The following KLF17 variants were observed in gnomAD, a reference collection of about 807,000 sequenced individuals.
The protein encoded by KLF17 is Krueppel-like factor 17.
Under a neutral mutation model 34.2 loss-of-function variants are expected in KLF17, and 31 were observed. The observed-to-expected ratio is 0.91, with a 90% CI of 0.68 to 1.22. The LOEUF (loss-of-function observed/expected upper bound fraction) is 1.22, where lower values mean the gene tolerates loss of function less well. Ranked by LOEUF, KLF17 falls within the 50% of genes most tolerant of loss-of-function variation. The pLI, the probability that KLF17 is intolerant of heterozygous loss-of-function variation, is 0.00. For synonymous variants in KLF17, 179 were observed against 186.7 expected, an observed-to-expected ratio of 0.96 and a Z score of 0.34; for missense variants, 478 against 505.2, an observed-to-expected ratio of 0.95 and a Z score of 0.52.
At chr1:44,099,946 A>G in the KLF17 span, among the ~76,000 whole-genome samples, 35,852 of 123,118 alleles carry the variant, frequency 0.29, 7,939 homozygotes, top group Admixed American at 0.4. Flanking sequence ...GAGGGAGACA[A>G]AGAGACTGGG....
Position 44,129,511 on chromosome 1 carries a change from G to A in KLF17, c.240G>A (p.Gln80=), listed in dbSNP as rs6656945. The A allele has an allele frequency of 2.6e-5, 42 of 1,612,844 alleles. No individual in the cohort carries two copies. The highest frequency in any genetic ancestry group is 3.6e-5 in the Non-Finnish European group (42 of 1,179,404). Residue 80 remains glutamine (Q), a synonymous_variant, in exon 2 of 4, where the codon CAG becomes CAA. Transcript: ENST00000372299. ...SPLVSVEAPG[Q]NVNEGGPQFS... is the part of the protein sequence containing the mutation. ...TGGTGTCTGTTGAGGCGCCGGGGCA[G>A]AATGTGAATGAAGGGGGGCCACAGT...
intron 1 of KLF17, among the ~76,000 whole-genome samples, chr1:44,127,642 C>CTTTTCTTTTCT (rs749639168): frequency 1.6e-4 from 8 of 48,522 alleles, no homozygotes; most frequent in East Asian, 1.3e-3. Context: ...TTCTTTCCTT[C>CTTTTCTTTTCT]TTTCTTTCTT....
chr1:44,081,139 T>C, the KLF17 span, among the ~76,000 whole-genome samples: 1 of 150,522 alleles, frequency 6.6e-6, no homozygotes, highest in Admixed American at 6.7e-5. Flanking sequence ...ATTTAGTTAA[T>C]CTGTTGTGCC....
At chr1:44,078,659 A>G in the KLF17 span, among the ~76,000 whole-genome samples, 1 of 151,990 alleles carries the variant, frequency 6.6e-6, no homozygotes, top group East Asian at 1.9e-4. Flanking sequence ...GATGGTCTCA[A>G]TCTCCTGACC....
Position 44,134,603 on chromosome 1 carries a change from G to A in KLF17, c.*1366G>A, listed in dbSNP as rs1441419211. On this transcript the variant is annotated 3_prime_UTR_variant, in exon 4 of 4. Coordinates refer to ENST00000372299, the MANE Select transcript of KLF17 (RefSeq NM_173484.4). ...GCCTCTGCCATTTCCTGGCTATGAG[G>A]TGTCTTGAGAAATTTACTTGTCACT... is the stretch of plus-strand genomic sequence containing the variant. 1.3e-5 allele frequency: 2 copies of A among 152,194 alleles called. No individual in the cohort carries two copies. The highest frequency in any genetic ancestry group is 2.9e-5 in the Non-Finnish European group (2 of 68,036). The allele number at this position is 152,194 out of a possible 1,614,324, so 9.4% of individuals were successfully genotyped here. A position where few individuals can be genotyped will look rare whatever the true frequency, so the allele number is the denominator to read the frequency against.
At chr1:44,098,601 A>C in the KLF17 span, among the ~76,000 whole-genome samples, 1 of 132,038 alleles carries the variant, frequency 7.6e-6, no homozygotes, top group Non-Finnish European at 1.5e-5. Flanking sequence ...CCCAGGCTGG[A>C]GTGCAGTGGC....
upstream of KLF17, chr1:44,118,728 C>A (rs12030367): frequency 0.087 from 38,357 of 440,370 alleles, 3,408 homozygotes; most frequent in East Asian, 0.37. Context: ...CAGCCTGGGG[C>A]AGGGCTGCGA....
At chr1:44,059,016 G>A in the KLF17 span, among the ~76,000 whole-genome samples, 1 of 152,088 alleles carries the variant, frequency 6.6e-6, no homozygotes, top group Admixed American at 6.5e-5. Context: ...TGAATGGAAG[G>A]GGCCGTATCA....
rs1051166117 is a variant in KLF17, at chr1:44,129,884, C to G, written c.613C>G (p.Leu205Val). The change falls in exon 2 of 4, where the codon CTC (leucine) becomes GTC (valine). Residue 205 changes from leucine to valine, a missense_variant. Transcript: ENST00000372299. ...GCCTTCCACTGAGGCCCAGGCAGTG[C>G]TCCCCTCCATGGCTCAGATGTTGCC... The part of the protein sequence containing the change: ...TVPSTEAQAV[L>V]PSMAQMLPPQ... 74 of 1,614,098 alleles carry G rather than the reference C, an allele frequency of 4.6e-5. No individual in the cohort carries two copies. Among genetic ancestry groups the G allele is most frequent in the Non-Finnish European group, 5.8e-5 (69 of 1,180,042 alleles).
chr1:44,095,362 T>C, the KLF17 span, among the ~76,000 whole-genome samples: 1 of 152,090 alleles, frequency 6.6e-6, no homozygotes, highest in Admixed American at 6.6e-5. Context: ...ATTACAGGCA[T>C]GCGCCACTGC....
intron 3 of KLF17, among the ~76,000 whole-genome samples, chr1:44,132,170 G>A (rs1198769505): frequency 6.6e-6 from 1 of 152,148 alleles, no homozygotes; most frequent in Admixed American, 6.5e-5. Flanking sequence ...GCTAGGCATG[G>A]TGGCGTGCGC....
chr1:44,127,696 C>CTT (rs1331155560), intron 1 of KLF17, among the ~76,000 whole-genome samples: 78 of 36,280 alleles, frequency 2.1e-3, no homozygotes, highest in African/African-American at 5.9e-3. Context: ...CTTTCTTTTT[C>CTT]TTTCTTTCTT....
chr1:44,121,839 G>A (rs976301435), intron 1 of KLF17, among the ~76,000 whole-genome samples: 2 of 152,146 alleles, frequency 1.3e-5, no homozygotes, highest in Non-Finnish European at 2.9e-5. Context: ...TATTAAGGTA[G>A]CGAAAAGCCT....
At chr1:44,103,379 C>T in the KLF17 span, 3 of 757,814 alleles carry the variant, frequency 4.0e-6, no homozygotes, top group South Asian at 4.1e-5. Context: ...TCTGGATCTT[C>T]TTCACAACCA....
At chr1:44,098,762 A>G in the KLF17 span, among the ~76,000 whole-genome samples, 47 of 152,082 alleles carry the variant, frequency 3.1e-4, no homozygotes, top group East Asian at 1.2e-3. Context: ...ATGTTAGCCA[A>G]GATGGTCTTG....
the KLF17 span, among the ~76,000 whole-genome samples, chr1:44,081,730 T>C: frequency 1.3e-5 from 2 of 152,166 alleles, no homozygotes; most frequent in Non-Finnish European, 2.9e-5. Context: ...CTCCCCATGG[T>C]AGTCTTGTTT....
the KLF17 span, among the ~76,000 whole-genome samples, chr1:44,053,878 A>C: frequency 6.6e-6 from 1 of 152,240 alleles, no homozygotes; most frequent in Non-Finnish European, 1.5e-5. Context: ...GTGAACATGC[A>C]GATGGAGTAG....
chr1:44,104,369 G>A, the KLF17 span: 7 of 1,155,624 alleles, frequency 6.1e-6, no homozygotes, highest in Non-Finnish European at 9.1e-6. Context: ...TGTTGTCCGT[G>A]TTGCTCCCAG....
upstream of KLF17, among the ~76,000 whole-genome samples, chr1:44,116,427 G>A (rs1211825337): frequency 1.3e-5 from 2 of 152,100 alleles, no homozygotes; most frequent in African/African-American, 4.8e-5. Context: ...TTATAATTGA[G>A]CCCTCTGTTT....
Sources: gnomAD v4.1 joint callset for allele counts (sites outside exome capture counted in the v4.1 genomes callset) on GRCh38, gnomAD v4.1.1 for gene constraint, MANE v1.5 for transcripts, NCBI Gene and HGNC (gene_info 2026-07-23, HGNC 2026-07-21) for gene names.